The following OPHN1 variants were observed in gnomAD, a reference collection of about 807,000 sequenced individuals.
OPHN1 encodes the protein oligophrenin-1.
A neutral mutation model predicts 60.7 loss-of-function variants in OPHN1; 11 were observed. The observed-to-expected ratio is 0.18, with a 90% CI of 0.11 to 0.30. The LOEUF is 0.30. Ranked by LOEUF, OPHN1 falls within the 10% of genes least tolerant of loss-of-function variation. OPHN1 has a pLI of 1.00. For synonymous variants in OPHN1, 226 were observed against 222.6 expected, an observed-to-expected ratio of 1.02 and a Z score of -0.14; for missense variants, 449 against 611.0, an observed-to-expected ratio of 0.73 and a Z score of 2.80.
chrX:68,187,694 C>T (rs1299146790), intron 15 of OPHN1, among the ~76,000 whole-genome samples: 1 of 110,704 alleles, frequency 9.0e-6, no homozygotes, highest in Non-Finnish European at 1.9e-5. Context: ...GTGGTGCCAT[C>T]TCAGCTCACT....
chrX:68,324,041 C>T, intron 2 of OPHN1, among the ~76,000 whole-genome samples: 1 of 111,692 alleles, frequency 9.0e-6, no homozygotes, highest in East Asian at 2.8e-4. Flanking sequence ...TATTAAAGCA[C>T]AGATGAAGTC....
At chrX:68,363,624 A>T (rs187858556) in intron 2 of OPHN1, among the ~76,000 whole-genome samples, 507 of 111,612 alleles carry the variant, frequency 4.5e-3, no homozygotes, top group Middle Eastern at 0.014. Flanking sequence ...TAACTTTTTT[A>T]AAAAAGACAG....
chrX:68,403,167 A>G (rs771535236), intron 2 of OPHN1, among the ~76,000 whole-genome samples: 1 of 112,453 alleles, frequency 8.9e-6, no homozygotes, highest in African/African-American at 3.2e-5. Flanking sequence ...AAATAGGAAA[A>G]GCAGCACAGC....
rs556811405 is a variant in OPHN1, at chrX:68,236,581, G to T, written c.385-1993C>A. Among the ~76,000 whole-genome samples the T allele has an allele frequency of 3.5e-4, 39 of 111,329 alleles. 2 individuals are homozygous for T. The South Asian group carries it at 0.011, about 30-fold the overall frequency. On this transcript the variant is annotated intron_variant, in intron 5 of 24. Transcript: ENST00000355520. ...TCCCCCTTCCACCCACCTTCAAAAA[G>T]CCACAGTCTACATTCATCTCTATGG...
At chrX:68,314,382 G>A (rs1602317586) in intron 2 of OPHN1, among the ~76,000 whole-genome samples, 1 of 110,366 alleles carries the variant, frequency 9.1e-6, no homozygotes, top group African/African-American at 3.3e-5. Context: ...TTAGCCGGGC[G>A]TGGTAGCGCA....
At chrX:68,191,113 T>G (rs1241813306) in intron 15 of OPHN1, among the ~76,000 whole-genome samples, 1 of 111,694 alleles carries the variant, frequency 9.0e-6, no homozygotes, top group African/African-American at 3.3e-5. Context: ...CACACTCAAT[T>G]TGTTCTCTGA....
At chrX:68,121,770 T>C (rs917785640) in intron 15 of OPHN1, among the ~76,000 whole-genome samples, 4 of 106,371 alleles carry the variant, frequency 3.8e-5, no homozygotes, top group African/African-American at 1.4e-4. Flanking sequence ...ACCCCTTCCT[T>C]CTGCTTGAGG....
At chrX:68,375,972 C>T (rs2078554779) in intron 2 of OPHN1, among the ~76,000 whole-genome samples, 1 of 111,011 alleles carries the variant, frequency 9.0e-6, no homozygotes, top group Non-Finnish European at 1.9e-5. Context: ...TGCAATATAG[C>T]CTTATTACCA....
At chrX:68,397,460 CT>C (rs767285762) in intron 2 of OPHN1, among the ~76,000 whole-genome samples, 8,950 of 49,970 alleles carry the variant, frequency 0.18, 533 homozygotes, top group Non-Finnish European at 0.25. Context: ...CTTTTATGTT[CT>C]TTTTTTTTTT....
rs1188011531 is a variant in OPHN1, at chrX:68,425,812, C to CTTTTTTTTT, written c.154+7046_154+7054dup. Among the ~76,000 whole-genome samples, 6 of 38,658 alleles carry CTTTTTTTTT rather than the reference C, an allele frequency of 1.6e-4. 2 individuals carry two copies. Among genetic ancestry groups the CTTTTTTTTT allele is most frequent in the Non-Finnish European group, 2.0e-4 (5 of 25,350 alleles). The allele number at this position is 38,658 out of a possible 115,157, so 33.6% of individuals were successfully genotyped here. On this transcript the variant is annotated intron_variant, in intron 2 of 24. Transcript: ENST00000355520. ...TGAGCCAATGCACCTGGACTGGATT[C>CTTTTTTTTT]TTTTTTTTTTTTTTTTTTTTTTTTT...
intron 18 of OPHN1, among the ~76,000 whole-genome samples, chrX:68,103,356 T>C (rs191556916): frequency 8.6e-4 from 96 of 111,850 alleles, no homozygotes; most frequent in African/African-American, 3.0e-3. Context: ...CTCAATAAAC[T>C]AAGTATTGAT....
intron 15 of OPHN1, among the ~76,000 whole-genome samples, chrX:68,173,087 G>A (rs1462600333): frequency 9.1e-6 from 1 of 110,186 alleles, no homozygotes; most frequent in East Asian, 2.9e-4. Flanking sequence ...CGTTCATCCA[G>A]TATAACTCAT....
At chrX:68,253,604 A>G (rs1259022289) in intron 5 of OPHN1, among the ~76,000 whole-genome samples, 1 of 111,938 alleles carries the variant, frequency 8.9e-6, no homozygotes, top group African/African-American at 3.2e-5. Context: ...AATGTAAGCT[A>G]CAATATAAAT....
intron 2 of OPHN1, among the ~76,000 whole-genome samples, chrX:68,378,092 G>T (rs948126557): frequency 2.7e-5 from 3 of 111,865 alleles, no homozygotes; most frequent in Non-Finnish European, 5.6e-5. Flanking sequence ...TCCAGCATCT[G>T]CTGTTTCCTG....
intron 15 of OPHN1, among the ~76,000 whole-genome samples, chrX:68,191,665 G>C (rs2077488444): frequency 8.9e-6 from 1 of 112,135 alleles, no homozygotes; most frequent in African/African-American, 3.2e-5. Context: ...TCCACAGCTT[G>C]CTTCTTAAAA....
intron 5 of OPHN1, among the ~76,000 whole-genome samples, chrX:68,251,249 C>T (rs1416300611): frequency 1.1e-5 from 1 of 92,834 alleles, no homozygotes; most frequent in Non-Finnish European, 2.1e-5. Flanking sequence ...TACAATGGCG[C>T]AATCTCGGCT....
intron 15 of OPHN1, among the ~76,000 whole-genome samples, chrX:68,183,022 T>G (rs2077445466): frequency 8.9e-6 from 1 of 112,060 alleles, no homozygotes; most frequent in Admixed American, 9.5e-5. Context: ...GTTCCAAATT[T>G]CAGACATTTC....
chrX:68,072,345 G>C (rs1722254953), intron 20 of OPHN1, among the ~76,000 whole-genome samples: 1 of 111,902 alleles, frequency 8.9e-6, no homozygotes, highest in African/African-American at 3.2e-5. Context: ...AGATCACACA[G>C]GAAAAGAACA....
At position 68,043,743 on chromosome X, in the gene OPHN1, A is replaced by G. The variant is rs1008390671; in HGVS notation, c.*3429T>C. The G allele has an allele frequency of 6.2e-5, 7 of 112,230 alleles. No individual in the cohort carries two copies. The highest frequency in any genetic ancestry group is 2.3e-4 in the African/African-American group (7 of 30,881). The allele number at this position is 112,230 out of a possible 1,213,427, so 9.2% of individuals were successfully genotyped here. A position where few individuals can be genotyped will look rare whatever the true frequency, so the allele number is the denominator to read the frequency against. On this transcript the variant is annotated 3_prime_UTR_variant, in exon 25 of 25. Coordinates refer to ENST00000355520, the MANE Select transcript of OPHN1 (RefSeq NM_002547.3). Reference sequence around the variant, plus strand: ...CTTTTAAAAAACAAAAACTTCAAAAATAAAAATTCAATATTTCTTTTTGTA... The same window carrying G: ...CTTTTAAAAAACAAAAACTTCAAAAGTAAAAATTCAATATTTCTTTTTGTA...
Sources: allele counts gnomAD v4.1 joint callset (sites outside exome capture counted in the v4.1 genomes callset), GRCh38; gene constraint gnomAD v4.1.1; transcripts MANE v1.5; gene names NCBI Gene and HGNC (gene_info 2026-07-23, HGNC 2026-07-21).